The following HDAC4 variants were observed in gnomAD, a reference collection of about 807,000 sequenced individuals.
HDAC4 encodes histone deacetylase 4, also known as histone deacetylase A.
In HDAC4, 16 loss-of-function variants were observed where a neutral mutation model predicts 135.1. The ratio of observed to expected loss-of-function variants is 0.12; its 90% CI spans 0.08 to 0.18. The LOEUF is 0.18. HDAC4 is among the 10% of genes least tolerant of loss of function. HDAC4 has a pLI of 1.00. For synonymous variants in HDAC4, 685 were observed against 653.4 expected (o/e 1.05, Z -0.74); for missense variants, 1,143 against 1,511.8 (o/e 0.76, Z 4.05).
rs985865927 is a variant in HDAC4, at chr2:239,221,550, G to GC, written c.94+15042dup. 2.1e-4 allele frequency among the ~76,000 whole-genome samples: 32 copies of GC among 152,004 alleles called. 1 individual carries two copies. Among genetic ancestry groups the GC allele is most frequent in the Non-Finnish European group, 8.8e-5 (6 of 68,024 alleles). On this transcript the variant is annotated intron_variant, in intron 3 of 26. Transcript: ENST00000543185. ...CATCTCTGTGTCCTCAGCACTCACCGCAAGGCCTGGACTCAACTGTGTCAC... is the reference window on the plus strand; with the variant it reads ...CATCTCTGTGTCCTCAGCACTCACCGCCAAGGCCTGGACTCAACTGTGTCAC...
At chr2:239,185,180 T>C (rs2044463333) in intron 4 of HDAC4, among the ~76,000 whole-genome samples, 1 of 151,884 alleles carries the variant, frequency 6.6e-6, no homozygotes, top group Non-Finnish European at 1.5e-5. Context: ...CAGTGTCTTC[T>C]GGGGAGAGGT....
chr2:239,074,802 C>A (rs771845029), intron 22 of HDAC4, among the ~76,000 whole-genome samples: 2 of 152,156 alleles, frequency 1.3e-5, no homozygotes, highest in African/African-American at 2.4e-5. Context: ...CCTGTGTCTT[C>A]AGGACTGTGC....
At chr2:239,275,517 C>T (rs549870485) in intron 2 of HDAC4, among the ~76,000 whole-genome samples, 14 of 152,158 alleles carry the variant, frequency 9.2e-5, no homozygotes, top group East Asian at 3.9e-4. Flanking sequence ...TCATGGCCCA[C>T]GGAGTGACAG....
rs769263014 is a variant in HDAC4 at position 239,144,620 on chromosome 2, C to A, written c.828G>T (p.Val276=). The A allele has an allele frequency of 9.3e-6, 15 of 1,614,056 alleles. 1 individual carries two copies. In the South Asian group the frequency reaches 1.5e-4, roughly 17 times the overall value. ...SPLLRRKDGP[V]VTALKKRPLD... is the part of the protein sequence containing the mutation. ...ACGGACGCTTTTTTAGAGCAGTGAC[C>A]ACTGGCCCGTCTTTCCTGCGTAACA... Residue 276 remains valine (V), a synonymous_variant, in exon 8 of 27, where the codon GTG becomes GTT. Transcript: ENST00000543185.
chr2:239,078,251 G>A (rs1372533045), intron 22 of HDAC4, among the ~76,000 whole-genome samples: 1 of 152,174 alleles, frequency 6.6e-6, no homozygotes, highest in Non-Finnish European at 1.5e-5. Context: ...ACGAGTCTCC[G>A]GGCCTGAGGA....
intron 2 of HDAC4, among the ~76,000 whole-genome samples, chr2:239,278,009 CACACACCCTAGCA>C (rs1328951525): frequency 2.7e-5 from 4 of 150,676 alleles, no homozygotes; most frequent in Non-Finnish European, 5.9e-5. Context: ...ACACCCCAGC[CACACACCCTAGCA>C]ACACACTCCA....
chr2:239,226,288 A>G (rs2047236046), intron 3 of HDAC4, among the ~76,000 whole-genome samples: 1 of 151,098 alleles, frequency 6.6e-6, no homozygotes. Flanking sequence ...TTCTCAGTGG[A>G]AAAAAAAAAT....
Position 239,052,701 on chromosome 2 carries a change from T to G in HDAC4, c.*396A>C. Reference sequence around the variant, plus strand: ...CTTTAAGCACCAGTTTTAATCAAGTTTGTTTTGTATTATTAGATCTTTGAT... The same window carrying G: ...CTTTAAGCACCAGTTTTAATCAAGTGTGTTTTGTATTATTAGATCTTTGAT... On this transcript the variant is annotated 3_prime_UTR_variant, in exon 27 of 27. Transcript: ENST00000543185. The G allele has an allele frequency of 3.9e-6, 1 of 254,572 alleles. No homozygotes were observed. Among genetic ancestry groups the G allele is most frequent in the Non-Finnish European group, 7.8e-6 (1 of 128,650 alleles). 15.8% of individuals were successfully genotyped at this position (254,572 alleles called of 1,614,324 possible).
intron 2 of HDAC4, among the ~76,000 whole-genome samples, chr2:239,248,243 T>C (rs6733619): frequency 0.33 from 50,056 of 151,344 alleles, 9,815 homozygotes; most frequent in African/African-American, 0.54. Context: ...TGCAGTGGCG[T>C]GATCTCGGCT....
chr2:239,291,512 C>T (rs920233646), intron 2 of HDAC4, among the ~76,000 whole-genome samples: 1 of 152,232 alleles, frequency 6.6e-6, no homozygotes, highest in Non-Finnish European at 1.5e-5. Context: ...CTCTGGAAAG[C>T]AGGAAGGCCG....
At chr2:239,204,904 C>A (rs908274134) in intron 3 of HDAC4, among the ~76,000 whole-genome samples, 1 of 152,164 alleles carries the variant, frequency 6.6e-6, no homozygotes, top group Middle Eastern at 3.2e-3. Flanking sequence ...ACAGAGCTAA[C>A]CCCTGCTACC....
chr2:239,070,678 T>C (rs896832262), intron 22 of HDAC4, among the ~76,000 whole-genome samples: 2 of 152,226 alleles, frequency 1.3e-5, no homozygotes, highest in African/African-American at 4.8e-5. Flanking sequence ...TGGTCTGGTG[T>C]CTTCCTGCAA....
At chr2:239,366,665 C>T (rs541615986) in intron 1 of HDAC4, among the ~76,000 whole-genome samples, 73 of 152,324 alleles carry the variant, frequency 4.8e-4, no homozygotes, top group African/African-American at 1.7e-3. Context: ...GACAGACACA[C>T]AGAAGGCCCA....
Position 239,278,187 on chromosome 2 carries a change from G to GAA in HDAC4, c.23-41525_23-41524dup, listed in dbSNP as rs57441784. Reference sequence around the variant, plus strand: ...ATTATCCCACCATTAGAGAAAAAAAGAAAAAAAAAAAAACAGACTGGTAAC... The same window carrying GAA: ...ATTATCCCACCATTAGAGAAAAAAAGAAAAAAAAAAAAAAACAGACTGGTAAC... On this transcript the variant is annotated intron_variant, in intron 2 of 26. Coordinates refer to ENST00000543185, the MANE Select transcript of HDAC4 (RefSeq NM_001378414.1). 2.5e-3 allele frequency among the ~76,000 whole-genome samples: 354 copies of GAA among 140,942 alleles called. 3 individuals carry two copies. The highest frequency in any genetic ancestry group is 1.6e-3 in the African/African-American group (63 of 38,842). The allele number at this position is 140,942 out of a possible 152,430, so 92.5% of individuals were successfully genotyped here.
At chr2:239,362,211 G>C (rs1693912007) in intron 1 of HDAC4, among the ~76,000 whole-genome samples, 1 of 152,168 alleles carries the variant, frequency 6.6e-6, no homozygotes, top group African/African-American at 2.4e-5. Flanking sequence ...CTGACACTGG[G>C]CATCTGTTTA....
rs755339696 is a variant in HDAC4, at chr2:239,068,473, A to T, written c.2869+16T>A. The T allele has an allele frequency of 6.4e-7, 1 of 1,566,742 alleles. No homozygotes were observed. The highest frequency in any genetic ancestry group is 1.7e-5 in the Admixed American group (1 of 59,964). ...TGAGCAGAACCGGCTCCTCAGTCAT[A>T]TGCAGAACCACTTACATCTGGCGGA... On this transcript the variant is annotated intron_variant, in intron 23 of 26. Coordinates refer to ENST00000543185, the MANE Select transcript of HDAC4 (RefSeq NM_001378414.1). This position sits in a 1 kb window ranked among gnomAD's most constrained non-coding sequence, Gnocchi z 4.4.
At chr2:239,063,402 C>T (rs1413940913) in intron 24 of HDAC4, among the ~76,000 whole-genome samples, 1 of 152,018 alleles carries the variant, frequency 6.6e-6, no homozygotes, top group Non-Finnish European at 1.5e-5. Flanking sequence ...GACGGGGTTT[C>T]ACCATGTTAG....
At chr2:239,236,714 A>C (rs746873832) in intron 2 of HDAC4, 50 bp from the exon 3 acceptor site, 2 of 1,383,100 alleles carry the variant, frequency 1.4e-6, no homozygotes, top group South Asian at 2.5e-5. Context: ...CATTTCAGCC[A>C]ACATACTTTA....
At chr2:239,291,886 A>T (rs2051525050) in intron 2 of HDAC4, among the ~76,000 whole-genome samples, 4 of 152,332 alleles carry the variant, frequency 2.6e-5, no homozygotes, top group African/African-American at 9.6e-5. Flanking sequence ...CATTTGCATG[A>T]AAATAGAACC....
Sources: gnomAD v4.1 joint callset for allele counts (sites outside exome capture counted in the v4.1 genomes callset) on GRCh38, gnomAD v4.1.1 for gene constraint, Gnocchi (gnomAD v3.1) non-coding constraint, MANE v1.5 for transcripts, NCBI Gene and HGNC (gene_info 2026-07-23, HGNC 2026-07-21) for gene names.